CORIN: variants seen among roughly 807,000 people sequenced by gnomAD.
CORIN encodes atrial natriuretic peptide-converting enzyme.
Under a neutral mutation model 125.3 loss-of-function variants are expected in CORIN, and 117 were observed. That is an observed-to-expected ratio of 0.93 (90% CI 0.80 to 1.09). The LOEUF is 1.09. Among genes scored for constraint, CORIN ranks in the 50% least tolerant of loss-of-function variants. The pLI is 0.00. For synonymous variants in CORIN, 450 were observed against 466.4 expected (o/e 0.96, Z 0.45); for missense variants, 1,253 against 1,306.7 (o/e 0.96, Z 0.63).
chr4:47,644,180 T>C (rs1723364563), intron 14 of CORIN, among the ~76,000 whole-genome samples: 1 of 152,240 alleles, frequency 6.6e-6, no homozygotes, highest in African/African-American at 2.4e-5. Flanking sequence ...CCGCCCAAAG[T>C]TGACCTGAGC....
At chr4:47,623,840 CT>C (rs1722442394) in intron 18 of CORIN, 58 bp downstream of exon 18, 2 of 1,606,464 alleles carry the variant, frequency 1.2e-6, no homozygotes, top group Admixed American at 3.3e-5. Context: ...CACTCTTCCC[CT>C]GAGCCAATCC....
chr4:47,733,411 G>A (rs979110338), intron 5 of CORIN, among the ~76,000 whole-genome samples: 9 of 152,212 alleles, frequency 5.9e-5, no homozygotes, highest in South Asian at 2.1e-4. Context: ...GGAGAAATTC[G>A]GACTATGTGT....
intron 5 of CORIN, among the ~76,000 whole-genome samples, chr4:47,718,838 A>G (rs1393145202): frequency 1.3e-5 from 2 of 152,222 alleles, no homozygotes; most frequent in Non-Finnish European, 2.9e-5. Context: ...TGTAGTTAAA[A>G]GATGAGTCTG....
intron 5 of CORIN, among the ~76,000 whole-genome samples, chr4:47,721,515 C>G (rs560482788): frequency 6.6e-6 from 1 of 152,306 alleles, no homozygotes; most frequent in Non-Finnish European, 1.5e-5. Flanking sequence ...GTGATCTGCC[C>G]GCCTTGGCCT....
chr4:47,702,119 A>T (rs190366903), intron 5 of CORIN, among the ~76,000 whole-genome samples: 30 of 151,644 alleles, frequency 2.0e-4, no homozygotes, highest in East Asian at 5.8e-4. Flanking sequence ...TAGTTTCTTT[A>T]AAAAAATTGT....
chr4:47,751,477 T>C (rs1728897173), intron 4 of CORIN, among the ~76,000 whole-genome samples: 1 of 152,228 alleles, frequency 6.6e-6, no homozygotes, highest in African/African-American at 2.4e-5. Context: ...TTTTATTTTC[T>C]AGAAAAATTA....
chr4:47,679,941 G>C (rs1169873774), intron 8 of CORIN, 200 bp downstream of exon 8: 1 of 422,198 alleles, frequency 2.4e-6, no homozygotes, highest in Non-Finnish European at 4.2e-6. Flanking sequence ...TGCAGGGAGA[G>C]GTGTGGAAGT....
At chr4:47,646,337 C>A (rs1282585397) in intron 13 of CORIN, among the ~76,000 whole-genome samples, 1 of 152,098 alleles carries the variant, frequency 6.6e-6, no homozygotes, top group African/African-American at 2.4e-5. Flanking sequence ...GAGCCAGGTG[C>A]AAAAGCTATT....
intron 21 of CORIN, 146 bp downstream of exon 21, chr4:47,600,068 G>A (rs1721392310): frequency 1.5e-6 from 1 of 657,692 alleles, no homozygotes; most frequent in South Asian, 3.1e-5. Flanking sequence ...CCAGCTGCAG[G>A]AAAATGTGCT....
At chr4:47,814,072 G>A (rs1732166101) in intron 1 of CORIN, among the ~76,000 whole-genome samples, 1 of 152,108 alleles carries the variant, frequency 6.6e-6, no homozygotes, top group Non-Finnish European at 1.5e-5. Flanking sequence ...TCAACACTAT[G>A]TATTGGCTTG....
intron 19 of CORIN, 128 bp from the exon 20 acceptor site, chr4:47,603,796 C>T (rs1426328345): frequency 4.0e-6 from 4 of 1,009,592 alleles, no homozygotes; most frequent in Admixed American, 2.6e-5. Context: ...TCAATGTATT[C>T]ATATAAGTGG....
intron 2 of CORIN, among the ~76,000 whole-genome samples, chr4:47,802,385 C>G (rs1166789012): frequency 1.3e-5 from 2 of 152,114 alleles, no homozygotes; most frequent in Non-Finnish European, 1.5e-5. Context: ...GTCCACTGTC[C>G]TGAAGAGTGA....
At chr4:47,680,293 G>A (rs767665338) in intron 7 of CORIN, 42 bp from the exon 8 acceptor site, 9 of 1,423,886 alleles carry the variant, frequency 6.3e-6, no homozygotes, top group Non-Finnish European at 8.9e-6. Flanking sequence ...GAACCAGCAT[G>A]ACTAACAGGC....
chr4:47,716,615 T>C (rs1410418348), intron 5 of CORIN, among the ~76,000 whole-genome samples: 1 of 152,184 alleles, frequency 6.6e-6, no homozygotes, highest in African/African-American at 2.4e-5. Flanking sequence ...TCCAATACAA[T>C]ATTAAAGCAC....
intron 16 of CORIN, among the ~76,000 whole-genome samples, chr4:47,628,382 T>C (rs1444064190): frequency 6.6e-6 from 1 of 152,078 alleles, no homozygotes; most frequent in Non-Finnish European, 1.5e-5. Context: ...TATGTATACC[T>C]TGTGAAATGG....
intron 17 of CORIN, among the ~76,000 whole-genome samples, chr4:47,625,838 T>C (rs1207491044): frequency 6.6e-6 from 1 of 152,188 alleles, no homozygotes; most frequent in Non-Finnish European, 1.5e-5. Context: ...TAAGATTACC[T>C]AGCTGTGTGC....
At chr4:47,635,966 A>T (rs995807666) in intron 16 of CORIN, among the ~76,000 whole-genome samples, 1 of 152,202 alleles carries the variant, frequency 6.6e-6, no homozygotes, top group Admixed American at 6.5e-5. Flanking sequence ...TTTACCCAGG[A>T]TCCATTCATA....
chr4:47,802,213 T>C (rs2109943709), intron 2 of CORIN, among the ~76,000 whole-genome samples: 1 of 152,192 alleles, frequency 6.6e-6, no homozygotes, highest in East Asian at 1.9e-4. Context: ...GAAAGACTCT[T>C]TCTATTAAAA....
intron 5 of CORIN, among the ~76,000 whole-genome samples, chr4:47,726,049 T>G (rs1727580730): frequency 6.6e-6 from 1 of 152,102 alleles, no homozygotes; most frequent in Non-Finnish European, 1.5e-5. Flanking sequence ...GTGAGATGCT[T>G]CTACACACCT....
Sources: allele counts gnomAD v4.1 joint callset (sites outside exome capture counted in the v4.1 genomes callset), GRCh38; gene constraint gnomAD v4.1.1; transcripts MANE v1.5; gene names NCBI Gene and HGNC (gene_info 2026-07-23, HGNC 2026-07-21).